The following ADAMTS19 variants were observed in gnomAD, a reference collection of about 807,000 sequenced individuals.
ADAMTS19 encodes the protein A disintegrin and metalloproteinase with thrombospondin motifs 19.
Under a neutral mutation model 153.3 loss-of-function variants are expected in ADAMTS19, and 93 were observed. That is an observed-to-expected ratio of 0.61 (90% CI 0.51 to 0.72). ADAMTS19 has a LOEUF of 0.72. ADAMTS19 is among the 30% of genes least tolerant of loss of function. The pLI is 0.00. For missense variants in ADAMTS19, 1,482 were observed against 1,552.1 expected (o/e 0.95, Z 0.76); for synonymous variants, 600 against 556.6 (o/e 1.08, Z -1.10).
intron 22 of ADAMTS19, 152 bp downstream of exon 22, chr5:129,735,261 T>C (rs1459465735): frequency 1.2e-6 from 1 of 808,228 alleles, no homozygotes. Context: ...TATGATTTCG[T>C]CCAAATGGTC....
chr5:129,706,610 C>G (rs1231386725), intron 21 of ADAMTS19, among the ~76,000 whole-genome samples: 1 of 151,570 alleles, frequency 6.6e-6, no homozygotes, highest in Non-Finnish European at 1.5e-5. Context: ...TGTTGTTAAC[C>G]TCCAACTAAC....
At chr5:129,556,805 A>G (rs1222682379) in intron 7 of ADAMTS19, among the ~76,000 whole-genome samples, 1 of 152,156 alleles carries the variant, frequency 6.6e-6, no homozygotes, top group Non-Finnish European at 1.5e-5. Context: ...AGCTTCTAGA[A>G]CATGCAAAAA....
intron 2 of ADAMTS19, among the ~76,000 whole-genome samples, chr5:129,482,128 G>A (rs1330619929): frequency 6.6e-6 from 1 of 152,154 alleles, no homozygotes; most frequent in Non-Finnish European, 1.5e-5. Flanking sequence ...GAACTAGGGT[G>A]TTTGAAAATA....
chr5:129,548,880 C>T (rs1752962015), intron 6 of ADAMTS19, among the ~76,000 whole-genome samples: 1 of 151,412 alleles, frequency 6.6e-6, no homozygotes, highest in African/African-American at 2.4e-5. Flanking sequence ...TTTATAGGGA[C>T]ATGGATGAAA....
intron 2 of ADAMTS19, among the ~76,000 whole-genome samples, chr5:129,483,585 C>A (rs1484960047): frequency 6.6e-6 from 1 of 152,002 alleles, no homozygotes; most frequent in African/African-American, 2.4e-5. Context: ...ACAATCACAC[C>A]CAGTTGAGAA....
At chr5:129,588,387 G>A (rs565157706) in intron 7 of ADAMTS19, among the ~76,000 whole-genome samples, 1 of 152,010 alleles carries the variant, frequency 6.6e-6, no homozygotes, top group Non-Finnish European at 1.5e-5. Flanking sequence ...GAAAAAGTTC[G>A]ATACATGTTT....
At chr5:129,501,155 C>G (rs979004939) in intron 2 of ADAMTS19, among the ~76,000 whole-genome samples, 9 of 151,814 alleles carry the variant, frequency 5.9e-5, no homozygotes, top group Non-Finnish European at 1.5e-5. Flanking sequence ...CGTTTAAATT[C>G]TGGTTGTATG....
intron 16 of ADAMTS19, among the ~76,000 whole-genome samples, chr5:129,667,622 C>T (rs578084553): frequency 1.3e-5 from 2 of 152,180 alleles, no homozygotes; most frequent in East Asian, 1.9e-4. Context: ...TGCTCCCTCT[C>T]TCCCCATGTG....
chr5:129,735,155 C>A (rs748012307), intron 22 of ADAMTS19, 46 bp downstream of exon 22: 4 of 1,456,464 alleles, frequency 2.7e-6, no homozygotes, highest in African/African-American at 1.4e-5. Context: ...CATAGAAATG[C>A]TTATGGCTTC....
chr5:129,733,804 G>A (rs1172844254), intron 21 of ADAMTS19, among the ~76,000 whole-genome samples: 2 of 151,784 alleles, frequency 1.3e-5, no homozygotes, highest in Admixed American at 6.6e-5. Flanking sequence ...CCCACTATTG[G>A]GTATCTATCC....
chr5:129,683,436 C>T (rs1754919005), intron 17 of ADAMTS19, among the ~76,000 whole-genome samples: 1 of 151,770 alleles, frequency 6.6e-6, no homozygotes. Flanking sequence ...CATAACTGTA[C>T]AATTATTAAT....
chr5:129,700,890 A>G (rs1445212469), intron 19 of ADAMTS19, among the ~76,000 whole-genome samples: 1 of 150,896 alleles, frequency 6.6e-6, no homozygotes, highest in African/African-American at 2.4e-5. Context: ...GCAGAAAACT[A>G]TTGTGTTTGG....
chr5:129,594,022 G>A lies in ADAMTS19; in HGVS notation c.1373-2537G>A, dbSNP rs1402002225. On this transcript the variant is annotated intron_variant, in intron 7 of 22. Transcript: ENST00000274487. ...TGATATCAGAAAGTTATTTCCCTAA[G>A]TTAGTAAGGTATTCTATGAATACCT... 2.0e-5 allele frequency among the ~76,000 whole-genome samples: 3 copies of A among 152,056 alleles called. No individual in the cohort carries two copies. In the East Asian group the frequency reaches 5.8e-4, roughly 29 times the overall value.
chr5:129,625,550 C>T (rs1289566305), intron 10 of ADAMTS19, among the ~76,000 whole-genome samples: 1 of 152,130 alleles, frequency 6.6e-6, no homozygotes, highest in Non-Finnish European at 1.5e-5. Context: ...GAGATGGTAT[C>T]TCATTGTGGT....
intron 21 of ADAMTS19, among the ~76,000 whole-genome samples, chr5:129,730,928 T>TTTTTG (rs143197904): frequency 0.028 from 4,108 of 147,406 alleles, 68 homozygotes; most frequent in East Asian, 0.057. Context: ...TGTTGTTGTT[T>TTTTTG]TTTTGTTTTG....
intron 3 of ADAMTS19, among the ~76,000 whole-genome samples, chr5:129,514,946 A>G (rs894204073): frequency 1.3e-5 from 2 of 152,078 alleles, no homozygotes; most frequent in African/African-American, 4.8e-5. Context: ...TCTTTAATCC[A>G]TTTTGATTTG....
At chr5:129,530,298 G>A (rs923357507) in intron 6 of ADAMTS19, among the ~76,000 whole-genome samples, 5 of 152,160 alleles carry the variant, frequency 3.3e-5, no homozygotes, top group Admixed American at 1.3e-4. Context: ...TGTAATTGGA[G>A]TCTCCGAAGG....
rs577262692 is a variant in ADAMTS19 at position 129,629,262 on chromosome 5, C to A, written c.1770+6914C>A. On this transcript the variant is annotated intron_variant, in intron 10 of 22. Coordinates refer to ENST00000274487, the MANE Select transcript of ADAMTS19 (RefSeq NM_133638.6). ...ATGATAACCTTTTAGAATATTAATGCAATGACTACATAAAAGCCTACCTAT... is the reference window on the plus strand; with the variant it reads ...ATGATAACCTTTTAGAATATTAATGAAATGACTACATAAAAGCCTACCTAT... Among the ~76,000 whole-genome samples the A allele has an allele frequency of 2.0e-5, 3 of 152,176 alleles. No individual in the cohort carries two copies. In the East Asian group the frequency reaches 5.8e-4, roughly 29 times the overall value.
chr5:129,671,073 A>G (rs190490191), intron 16 of ADAMTS19, among the ~76,000 whole-genome samples: 1 of 152,328 alleles, frequency 6.6e-6, no homozygotes, highest in Admixed American at 6.5e-5. Context: ...ATATGTTACC[A>G]TGTTTATTCA....
Sources: gnomAD v4.1 joint callset for allele counts (sites outside exome capture counted in the v4.1 genomes callset) on GRCh38, gnomAD v4.1.1 for gene constraint, MANE v1.5 for transcripts, NCBI Gene and HGNC (gene_info 2026-07-23, HGNC 2026-07-21) for gene names.